The following ALG13 variants were observed in gnomAD, a reference collection of about 807,000 sequenced individuals.
The protein encoded by ALG13 is UDP-N-acetylglucosamine transferase subunit ALG13.
Under a neutral mutation model 87.8 loss-of-function variants are expected in ALG13, and 11 were observed. The observed-to-expected ratio is 0.13, with a 90% confidence interval of 0.08 to 0.21. The LOEUF is 0.21. Among genes scored for constraint, ALG13 ranks in the 10% least tolerant of loss-of-function variants. The probability of loss-of-function intolerance (pLI) is 1.00; values close to 1 mark genes in which losing one functional copy is unlikely to be tolerated. For synonymous variants in ALG13, 320 were observed against 306.3 expected, an observed-to-expected ratio of 1.04 and a Z score of -0.47; for missense variants, 756 against 866.1, an observed-to-expected ratio of 0.87 and a Z score of 1.60.
At chrX:111,681,815 G>C (rs1933398011) in intron 1 of ALG13, 2 of 854,152 alleles carry the variant, frequency 2.3e-6, no homozygotes, top group Middle Eastern at 5.6e-4. Flanking sequence ...CCCGGTTCTC[G>C]CAGTTGATCA....
chrX:111,709,555 C>T (rs930355751), intron 5 of ALG13, among the ~76,000 whole-genome samples: 1 of 111,840 alleles, frequency 8.9e-6, no homozygotes, highest in Non-Finnish European at 1.9e-5. Context: ...TCTAGTCTTT[C>T]CATGTCACAA....
chrX:111,690,069 T>C, intron 3 of ALG13: 1 of 744,285 alleles, frequency 1.3e-6, no homozygotes, highest in Non-Finnish European at 1.6e-6. Context: ...TGGGAGATAA[T>C]TTAAAGAATA....
intron 23 of ALG13, among the ~76,000 whole-genome samples, chrX:111,738,741 T>C (rs1182272387): frequency 9.1e-6 from 1 of 109,681 alleles, no homozygotes; most frequent in Non-Finnish European, 1.9e-5. Context: ...CTTGCCATGT[T>C]GCCCAAGCTG....
intron 14 of ALG13, 130 bp from the exon 15 acceptor site, chrX:111,724,799 AAAATT>A (rs1374793800): frequency 3.0e-6 from 2 of 664,001 alleles, no homozygotes; most frequent in Non-Finnish European, 4.5e-6. Context: ...AAACTAATAA[AAAATT>A]AAACAAGGAA....
At chrX:111,704,775 A>G (rs1938458701) in intron 3 of ALG13, among the ~76,000 whole-genome samples, 1 of 111,650 alleles carries the variant, frequency 9.0e-6, no homozygotes, top group Non-Finnish European at 1.9e-5. Flanking sequence ...TGGATGCACA[A>G]CTCTATACAA....
At chrX:111,743,842 A>G (rs1359999005) in intron 23 of ALG13, 1 of 111,236 alleles carries the variant, frequency 9.0e-6, no homozygotes, top group Admixed American at 9.6e-5. Flanking sequence ...GAAATTTTGT[A>G]CTTGGATTTA....
chrX:111,715,938 T>C (rs1381387593), intron 8 of ALG13, among the ~76,000 whole-genome samples: 1 of 111,704 alleles, frequency 9.0e-6, no homozygotes, highest in Non-Finnish European at 1.9e-5. Flanking sequence ...GCTCATTTGC[T>C]CTATCTAGAT....
chrX:111,703,758 A>G (rs144041149), intron 3 of ALG13, among the ~76,000 whole-genome samples: 2,206 of 111,926 alleles, frequency 0.02, 51 homozygotes, highest in African/African-American at 0.067. Flanking sequence ...GTTTTTGTCC[A>G]TTCACCAGCT....
At chrX:111,750,253 A>G (rs1944597340) in intron 24 of ALG13, among the ~76,000 whole-genome samples, 3 of 111,437 alleles carry the variant, frequency 2.7e-5, no homozygotes, top group Non-Finnish European at 5.6e-5. Flanking sequence ...TGGCCTTAGC[A>G]ATCGCTCCTC....
chrX:111,719,763 G>T (rs977522060), intron 10 of ALG13, among the ~76,000 whole-genome samples: 1 of 111,911 alleles, frequency 8.9e-6, no homozygotes, highest in African/African-American at 3.3e-5. Flanking sequence ...CCTCAGCTCT[G>T]CTACATTGCA....
chrX:111,718,244 A>C lies in ALG13; in HGVS notation c.1220A>C (p.His407Pro), dbSNP rs761199725. ...NNAVTGSEDAHTDYKSSNQNR... is the reference protein window; with the variant it reads ...NNAVTGSEDAPTDYKSSNQNR... ...GCTGTAACTGGAAGCGAGGATGCCC[A>C]TACTGATTACAAGAGTTCAAATCAG... Residue 407 changes from histidine to proline, a missense_variant, in exon 10 of 27, where the codon CAT becomes CCT. Around this residue, in one of 9 missense-constraint regions of ALG13, gnomAD observed 48 missense variants for 50.5 expected, o/e 0.95. Coordinates refer to ENST00000394780, the MANE Select transcript of ALG13 (RefSeq NM_001099922.3). 8.4e-7 allele frequency: 1 copy of C among 1,195,935 alleles called. No homozygotes were observed. The highest frequency in any genetic ancestry group is 3.0e-5 in the East Asian group (1 of 33,497).
At position 111,760,354 on chromosome X, in the gene ALG13, C is replaced by G. The variant is rs41300249; in HGVS notation, c.*355C>G. The stretch of plus-strand genomic sequence containing the variant: ...TTCAAAAATCACACATCATATTAAA[C>G]CATGCAGAATTGGAGTAACTTCCAC... On this transcript the variant is annotated 3_prime_UTR_variant, in exon 27 of 27. Coordinates refer to ENST00000394780, the MANE Select transcript of ALG13 (RefSeq NM_001099922.3). 956 of 144,176 alleles carry G rather than the reference C, an allele frequency of 6.6e-3. 4 individuals carry two copies. Among genetic ancestry groups the G allele is most frequent in the South Asian group, 0.029 (100 of 3,477 alleles). 11.9% of individuals were successfully genotyped at this position (144,176 alleles called of 1,213,427 possible).
rs545799763 is a variant in ALG13, at chrX:111,733,379, A to T, written c.2458-1672A>T. Among the ~76,000 whole-genome samples, 84 of 111,558 alleles carry T rather than the reference A, an allele frequency of 7.5e-4. 1 individual carries two copies. In the South Asian group the frequency reaches 0.031, roughly 41 times the overall value. ...TTAGCTTCCACTTATGAGTGAGAAC[A>T]TATAGTGTTTGGTTTTCCATTCCTG... On this transcript the variant is annotated intron_variant, in intron 21 of 26. Coordinates refer to ENST00000394780, the MANE Select transcript of ALG13 (RefSeq NM_001099922.3).
At chrX:111,723,740 T>G in intron 13 of ALG13, 58 bp from the exon 14 acceptor site, 1 of 729,717 alleles carries the variant, frequency 1.4e-6, no homozygotes, top group Non-Finnish European at 2.0e-6. Flanking sequence ...AGTGGTATTT[T>G]GTTTGGCATT....
chrX:111,723,159 A>T (rs994306439), intron 13 of ALG13, among the ~76,000 whole-genome samples: 28 of 100,334 alleles, frequency 2.8e-4, no homozygotes, highest in Middle Eastern at 5.2e-3. Flanking sequence ...ATTTATTTTT[A>T]TTTTTTTTTT....
At chrX:111,683,038 A>C (rs1425911726) in intron 2 of ALG13, among the ~76,000 whole-genome samples, 2 of 108,793 alleles carry the variant, frequency 1.8e-5, no homozygotes, top group African/African-American at 3.4e-5. Context: ...GTTTGAGGAG[A>C]GAAAAGTCTT....
intron 23 of ALG13, chrX:111,743,797 C>A (rs1351165385): frequency 9.0e-6 from 1 of 110,959 alleles, no homozygotes; most frequent in East Asian, 2.8e-4. Flanking sequence ...CTATGTTTCT[C>A]AGGGTTAAAA....
chrX:111,718,416 T>TG (rs1940933904), intron 10 of ALG13, 142 bp downstream of exon 10: 4 of 517,339 alleles, frequency 7.7e-6, no homozygotes, highest in Non-Finnish European at 1.2e-5. Flanking sequence ...ATATTTTTAA[T>TG]GGGGGGAGAG....
chrX:111,721,128 T>G (rs1941371852), intron 11 of ALG13, among the ~76,000 whole-genome samples: 1 of 69,012 alleles, frequency 1.4e-5, no homozygotes, highest in African/African-American at 5.2e-5. Flanking sequence ...TAATTCTTCC[T>G]TCTTCATAGA....
Sources: allele counts gnomAD v4.1 joint callset (sites outside exome capture counted in the v4.1 genomes callset), GRCh38; gene constraint gnomAD v4.1.1; regional missense constraint gnomAD v4.1.1; transcripts MANE v1.5; gene names NCBI Gene and HGNC (gene_info 2026-07-23, HGNC 2026-07-21).